MARCHF1: variants seen among roughly 807,000 people sequenced by gnomAD.
MARCHF1 encodes the protein E3 ubiquitin-protein ligase MARCHF1.
In MARCHF1, 40 loss-of-function variants were observed where a neutral mutation model predicts 54.2. The ratio of observed to expected loss-of-function variants is 0.74; its 90% CI spans 0.57 to 0.96. MARCHF1 has a LOEUF of 0.96. MARCHF1 is among the 40% of genes least tolerant of loss of function. The pLI, the probability that MARCHF1 is intolerant of heterozygous loss-of-function variation, is 0.00. For missense variants in MARCHF1, 586 were observed against 656.5 expected (o/e 0.89, Z 1.17); for synonymous variants, 236 against 236.3 (o/e 1.00, Z 0.01).
At chr4:163,894,353 T>C (rs1307944312) in intron 3 of MARCHF1, among the ~76,000 whole-genome samples, 1 of 151,966 alleles carries the variant, frequency 6.6e-6, no homozygotes, top group East Asian at 1.9e-4. Context: ...AGAACAAAAA[T>C]TGAGCCATAA....
chr4:163,905,519 C>T (rs566191430), intron 3 of MARCHF1, among the ~76,000 whole-genome samples: 27 of 152,104 alleles, frequency 1.8e-4, no homozygotes, highest in Admixed American at 9.8e-4. Flanking sequence ...TAGGTTATAT[C>T]ACAGAAAAAG....
chr4:164,143,229 C>A (rs1469959903), intron 1 of MARCHF1, among the ~76,000 whole-genome samples: 2 of 151,820 alleles, frequency 1.3e-5, no homozygotes, highest in African/African-American at 4.8e-5. Context: ...GAGAATGGAA[C>A]CAAGTTGGAA....
intron 3 of MARCHF1, among the ~76,000 whole-genome samples, chr4:163,956,122 A>C (rs1421710396): frequency 6.6e-6 from 1 of 152,196 alleles, no homozygotes; most frequent in Non-Finnish European, 1.5e-5. Context: ...AGATGTTAAC[A>C]TCAGGAGAAG....
At chr4:163,963,417 A>G (rs1316506648) in intron 3 of MARCHF1, among the ~76,000 whole-genome samples, 1 of 151,950 alleles carries the variant, frequency 6.6e-6, no homozygotes, top group African/African-American at 2.4e-5. Context: ...CCGAGTTAAG[A>G]TACATTTTAC....
chr4:163,703,704 T>C (rs1744871960), intron 4 of MARCHF1, among the ~76,000 whole-genome samples: 1 of 152,124 alleles, frequency 6.6e-6, no homozygotes, highest in South Asian at 2.1e-4. Flanking sequence ...GATTTCAGCA[T>C]GTCATTCATA....
chr4:163,658,133 G>T (rs1290968990), intron 5 of MARCHF1, among the ~76,000 whole-genome samples: 1 of 151,948 alleles, frequency 6.6e-6, no homozygotes, highest in African/African-American at 2.4e-5. Context: ...CAGAGTGGGA[G>T]AAAATTTTTA....
At chr4:164,111,239 G>A (rs1389806815) in intron 2 of MARCHF1, among the ~76,000 whole-genome samples, 1 of 151,642 alleles carries the variant, frequency 6.6e-6, no homozygotes, top group Non-Finnish European at 1.5e-5. Context: ...AAAATCAAAT[G>A]TATTTGTTCA....
At chr4:164,231,542 A>G (rs899014362) in intron 1 of MARCHF1, among the ~76,000 whole-genome samples, 3 of 152,162 alleles carry the variant, frequency 2.0e-5, no homozygotes, top group Non-Finnish European at 4.4e-5. Context: ...GATGTGTGAA[A>G]AGAACACTCA....
intron 7 of MARCHF1, among the ~76,000 whole-genome samples, chr4:163,611,585 T>C (rs1741342335): frequency 6.6e-6 from 1 of 152,158 alleles, no homozygotes; most frequent in African/African-American, 2.4e-5. Context: ...GATATTCCTA[T>C]AATTCTTTTT....
intron 5 of MARCHF1, among the ~76,000 whole-genome samples, chr4:163,650,044 A>G (rs561250533): frequency 6.6e-6 from 1 of 152,072 alleles, no homozygotes; most frequent in South Asian, 2.1e-4. Flanking sequence ...AGGTATGGGT[A>G]GGTGTTAAAG....
At chr4:163,904,315 A>G (rs973272407) in intron 3 of MARCHF1, among the ~76,000 whole-genome samples, 2 of 152,214 alleles carry the variant, frequency 1.3e-5, no homozygotes, top group Non-Finnish European at 2.9e-5. Context: ...TGAAGCTTCC[A>G]TTAAATTAGA....
intron 1 of MARCHF1, among the ~76,000 whole-genome samples, chr4:164,239,562 T>C (rs1356187059): frequency 6.6e-6 from 1 of 152,228 alleles, no homozygotes; most frequent in East Asian, 1.9e-4. Flanking sequence ...TTATACAGTA[T>C]TCAGATTGCT....
intron 4 of MARCHF1, among the ~76,000 whole-genome samples, chr4:163,726,383 G>A (rs1745653838): frequency 6.6e-6 from 1 of 152,116 alleles, no homozygotes; most frequent in Non-Finnish European, 1.5e-5. Flanking sequence ...AGTCTTTTCA[G>A]ATTGACTTCT....
At chr4:163,840,669 A>G (rs548182934) in intron 4 of MARCHF1, among the ~76,000 whole-genome samples, 33 of 152,250 alleles carry the variant, frequency 2.2e-4, no homozygotes, top group Non-Finnish European at 3.5e-4. Flanking sequence ...ATGCTCGTCA[A>G]AATACACAAA....
intron 2 of MARCHF1, among the ~76,000 whole-genome samples, chr4:164,025,861 A>C (rs1315296968): frequency 6.6e-6 from 1 of 152,018 alleles, no homozygotes; most frequent in African/African-American, 2.4e-5. Context: ...ATATTTAAAT[A>C]AGTGCAATGA....
intron 4 of MARCHF1, among the ~76,000 whole-genome samples, chr4:163,772,668 A>G (rs1389122018): frequency 6.6e-6 from 1 of 152,112 alleles, no homozygotes. Flanking sequence ...TCCTTCTTAT[A>G]CTTTGGATCT....
At chr4:163,541,586 T>G (rs1738724362) in intron 9 of MARCHF1, among the ~76,000 whole-genome samples, 1 of 152,178 alleles carries the variant, frequency 6.6e-6, no homozygotes, top group African/African-American at 2.4e-5. Context: ...TCATGACTAT[T>G]TAATCTAAAA....
At chr4:164,285,503 C>G (rs1734120691) in intron 1 of MARCHF1, among the ~76,000 whole-genome samples, 1 of 151,892 alleles carries the variant, frequency 6.6e-6, no homozygotes, top group Non-Finnish European at 1.5e-5. Context: ...AGTGCAGTGG[C>G]GCGATCTCGG....
At chr4:163,591,320 A>T (rs887147339) in intron 7 of MARCHF1, among the ~76,000 whole-genome samples, 7 of 151,840 alleles carry the variant, frequency 4.6e-5, no homozygotes, top group African/African-American at 1.5e-4. Context: ...CTAAATTAAG[A>T]CTCATCTAAA....
Sources: allele counts gnomAD v4.1 joint callset (sites outside exome capture counted in the v4.1 genomes callset), GRCh38; gene constraint gnomAD v4.1.1; transcripts MANE v1.5; gene names NCBI Gene and HGNC (gene_info 2026-07-23, HGNC 2026-07-21).